Variants in ACO1 observed in about 807,000 individuals in gnomAD.
The protein encoded by ACO1 is aconitase 1, also known as cytoplasmic aconitate hydratase.
ACO1 carries 78 observed loss-of-function variants against 105.1 expected under a neutral mutation model. That is an observed-to-expected ratio of 0.74 (90% CI 0.62 to 0.90). The LOEUF (loss-of-function observed/expected upper bound fraction) is 0.90. Among genes scored for constraint, ACO1 ranks in the 40% least tolerant of loss-of-function variants. ACO1 has a pLI of 0.00. For synonymous variants in ACO1, 364 were observed against 397.4 expected, an observed-to-expected ratio of 0.92 and a Z score of 1.00; for missense variants, 965 against 1,111.1, an observed-to-expected ratio of 0.87 and a Z score of 1.87.
chr9:32,436,532 G>C (rs1822365932), intron 18 of ACO1, 135 bp downstream of exon 18: 1 of 988,664 alleles, frequency 1.0e-6, no homozygotes, highest in African/African-American at 1.6e-5. Context: ...AGTCCTCCTT[G>C]CCAGGTGTCC....
chr9:32,432,298 T>C (rs904932342), intron 15 of ACO1, among the ~76,000 whole-genome samples: 1 of 152,174 alleles, frequency 6.6e-6, no homozygotes, highest in Non-Finnish European at 1.5e-5. Context: ...GAAATAAAAC[T>C]TTCCGTGCAT....
intron 4 of ACO1, among the ~76,000 whole-genome samples, chr9:32,415,070 C>T (rs998109469): frequency 2.6e-5 from 4 of 151,936 alleles, no homozygotes; most frequent in Non-Finnish European, 5.9e-5. Context: ...CCACTCAGAG[C>T]AAATAGAGCA....
chr9:32,431,000 G>A (rs1822222018), intron 14 of ACO1, among the ~76,000 whole-genome samples: 1 of 152,112 alleles, frequency 6.6e-6, no homozygotes, highest in Non-Finnish European at 1.5e-5. Flanking sequence ...TCTATTCTAA[G>A]CCGAATAGAT....
rs762301470 is a variant in ACO1, at chr9:32,408,575, G to T, written c.328G>T (p.Asp110Tyr). The T allele has an allele frequency of 1.2e-6, 2 of 1,614,160 alleles. No homozygotes were observed. The highest frequency in any genetic ancestry group is 1.7e-5 in the Admixed American group (1 of 60,020). Residue 110 changes from aspartate (D) to tyrosine (Y), a missense_variant, in exon 4 of 21, where the codon GAT becomes TAT. Transcript: ENST00000309951. The part of the protein sequence containing the change: ...MRDAVKKLGG[D>Y]PEKINPVCPA... Reference sequence around the variant, plus strand: ...TGATGCTGTGAAAAAGTTAGGAGGAGATCCAGAGAAAATAAACCCTGTCTG... The same window carrying T: ...TGATGCTGTGAAAAAGTTAGGAGGATATCCAGAGAAAATAAACCCTGTCTG...
intron 7 of ACO1, 89 bp from the exon 8 acceptor site, chr9:32,420,767 A>G: frequency 7.2e-7 from 1 of 1,384,824 alleles, no homozygotes. Context: ...TACTGACAAG[A>G]CTAGTTTATA....
intron 9 of ACO1, among the ~76,000 whole-genome samples, chr9:32,424,283 T>C (rs1563939798): frequency 6.6e-6 from 1 of 152,232 alleles, no homozygotes. Flanking sequence ...ACTGAGCATC[T>C]GCAGCACCCA....
chr9:32,418,929 A>G, intron 6 of ACO1, 109 bp from the exon 7 acceptor site: 1 of 1,305,166 alleles, frequency 7.7e-7, no homozygotes, highest in Non-Finnish European at 1.0e-6. Context: ...CTCTGCACCA[A>G]TTAAACGTTG....
At chr9:32,443,175 G>A (rs919105556) in intron 19 of ACO1, among the ~76,000 whole-genome samples, 2 of 152,024 alleles carry the variant, frequency 1.3e-5, no homozygotes, top group Non-Finnish European at 2.9e-5. Flanking sequence ...ACGGTGTTAT[G>A]AGGCAAAAAT....
In ACO1 at chr9:32,425,995, C is replaced by T. The variant is rs1449494815; in HGVS notation, c.1346C>T (p.Ala449Val). The T allele has an allele frequency of 1.2e-6, 2 of 1,612,892 alleles. No individual in the cohort carries two copies. Among genetic ancestry groups the T allele is most frequent in the Non-Finnish European group, 1.7e-6 (2 of 1,179,316 alleles). The change falls in exon 11 of 21, where the codon GCA becomes GTA. Residue 449 changes from alanine (A) to valine (V), a missense_variant and splice_region_variant. Coordinates refer to ENST00000309951, the MANE Select transcript of ACO1 (RefSeq NM_002197.3). ...AGTAATCCGTCTGTGATGTTAGGGG[C>T]AGGTAAGTGCATTTGACTCCATCCT... ...NTSNPSVMLG[A>V]GLLAKKAVDA...
At chr9:32,443,979 C>A (rs899455193) in intron 19 of ACO1, among the ~76,000 whole-genome samples, 1 of 152,138 alleles carries the variant, frequency 6.6e-6, no homozygotes, top group African/African-American at 2.4e-5. Flanking sequence ...TAGCCCCTGA[C>A]CCGCCAACAG....
At chr9:32,429,570 CT>C (rs1394637517) in intron 13 of ACO1, 67 bp downstream of exon 13, 2 of 1,376,898 alleles carry the variant, frequency 1.5e-6, no homozygotes, top group African/African-American at 2.9e-5. Flanking sequence ...GACAAAAATG[CT>C]GATATTTTCA....
intron 1 of ACO1, among the ~76,000 whole-genome samples, chr9:32,400,280 C>T (rs1821467425): frequency 6.6e-6 from 1 of 151,974 alleles, no homozygotes. Context: ...TGTATCTATT[C>T]CTTAGTGTAA....
At chr9:32,430,388 G>A (rs756743932) in intron 13 of ACO1, 30 bp from the exon 14 acceptor site, 8 of 1,597,258 alleles carry the variant, frequency 5.0e-6, no homozygotes, top group Non-Finnish European at 6.8e-6. Flanking sequence ...GTATCTTTTA[G>A]TGACCTGATT....
At chr9:32,387,480 C>G (rs1821178663) in intron 1 of ACO1, among the ~76,000 whole-genome samples, 1 of 152,062 alleles carries the variant, frequency 6.6e-6, no homozygotes, top group Non-Finnish European at 1.5e-5. Context: ...TAAACCTTTG[C>G]CAGCTGACAC....
At chr9:32,393,383 G>A (rs1380938589) in intron 1 of ACO1, among the ~76,000 whole-genome samples, 1 of 152,132 alleles carries the variant, frequency 6.6e-6, no homozygotes, top group African/African-American at 2.4e-5. Flanking sequence ...TTATTAGGAC[G>A]AGGAAATTCC....
At chr9:32,392,151 A>T (rs1006361628) in intron 1 of ACO1, among the ~76,000 whole-genome samples, 10 of 152,082 alleles carry the variant, frequency 6.6e-5, no homozygotes, top group African/African-American at 1.9e-4. Flanking sequence ...TATTTTTTTT[A>T]AATGCATTTG....
At chr9:32,449,776 T>C (rs1256091417) in intron 20 of ACO1, among the ~76,000 whole-genome samples, 1 of 152,164 alleles carries the variant, frequency 6.6e-6, no homozygotes. Flanking sequence ...CTGCAGTGAT[T>C]CTCAAACTGT....
At chr9:32,404,049 A>C (rs1016130385) in intron 1 of ACO1, among the ~76,000 whole-genome samples, 1 of 152,072 alleles carries the variant, frequency 6.6e-6, no homozygotes, top group Non-Finnish European at 1.5e-5. Flanking sequence ...CTCCTTCTGC[A>C]GATAAGCTAG....
At chr9:32,434,913 G>T (rs1822322479) in intron 17 of ACO1, among the ~76,000 whole-genome samples, 1 of 152,178 alleles carries the variant, frequency 6.6e-6, no homozygotes, top group Non-Finnish European at 1.5e-5. Context: ...CTAACAAGGG[G>T]AAGGGGAGAG....
Sources: allele counts gnomAD v4.1 joint callset (sites outside exome capture counted in the v4.1 genomes callset), GRCh38; gene constraint gnomAD v4.1.1; transcripts MANE v1.5; gene names NCBI Gene and HGNC (gene_info 2026-07-23, HGNC 2026-07-21).